The following CRPPA variants were observed in gnomAD, a reference collection of about 807,000 sequenced individuals.
The protein encoded by CRPPA is D-ribitol-5-phosphate cytidylyltransferase.
A neutral mutation model predicts 52.0 loss-of-function variants in CRPPA; 43 were observed. That is an observed-to-expected ratio of 0.83 (90% CI 0.65 to 1.07). The LOEUF (loss-of-function observed/expected upper bound fraction) is 1.07. Among genes scored for constraint, CRPPA ranks in the 50% least tolerant of loss-of-function variants. The probability of loss-of-function intolerance (pLI) is 0.00; values close to 1 mark genes in which losing one functional copy is unlikely to be tolerated. For missense variants in CRPPA, 629 were observed against 551.7 expected (o/e 1.14, Z -1.40); for synonymous variants, 250 against 203.5 (o/e 1.23, Z -1.94).
chr7:16,409,276 C>A (rs1296480734), intron 1 of CRPPA, among the ~76,000 whole-genome samples: 4 of 152,188 alleles, frequency 2.6e-5, no homozygotes, highest in Non-Finnish European at 5.9e-5. Context: ...GTTTTGCCAA[C>A]ACCTTGACAC....
At chr7:16,240,065 A>G (rs542087061) in intron 8 of CRPPA, among the ~76,000 whole-genome samples, 45 of 152,060 alleles carry the variant, frequency 3.0e-4, no homozygotes, top group African/African-American at 1.1e-3. Context: ...TCTATATCCC[A>G]TAACACAAAC....
At chr7:16,386,913 G>C (rs931813164) in intron 2 of CRPPA, among the ~76,000 whole-genome samples, 3 of 151,698 alleles carry the variant, frequency 2.0e-5, no homozygotes, top group Non-Finnish European at 2.9e-5. Flanking sequence ...CCAGCTACTT[G>C]GAAGGGTGAG....
At chr7:16,324,272 A>C (rs572872558) in intron 3 of CRPPA, among the ~76,000 whole-genome samples, 1 of 152,334 alleles carries the variant, frequency 6.6e-6, no homozygotes, top group South Asian at 2.1e-4. Context: ...TATTACAGAC[A>C]GCTGCAGACT....
chr7:16,305,597 G>T (rs1784890293), intron 4 of CRPPA, among the ~76,000 whole-genome samples: 1 of 152,192 alleles, frequency 6.6e-6, no homozygotes, highest in Non-Finnish European at 1.5e-5. Flanking sequence ...CGTGGTGGTG[G>T]TGGGTCACGC....
intron 9 of CRPPA, among the ~76,000 whole-genome samples, chr7:16,139,887 CA>C (rs1415054098): frequency 2.0e-5 from 3 of 151,574 alleles, no homozygotes; most frequent in Non-Finnish European, 2.9e-5. Flanking sequence ...ATCACTTTTC[CA>C]GAGCAGATAA....
At chr7:16,396,258 T>A (rs562284064) in intron 2 of CRPPA, among the ~76,000 whole-genome samples, 2 of 152,300 alleles carry the variant, frequency 1.3e-5, no homozygotes, top group Admixed American at 1.3e-4. Context: ...AATGGACAAG[T>A]ACAAGTGATT....
intron 5 of CRPPA, among the ~76,000 whole-genome samples, chr7:16,298,240 A>C (rs1784714891): frequency 6.6e-6 from 1 of 152,208 alleles, no homozygotes; most frequent in African/African-American, 2.4e-5. Flanking sequence ...GATGTACTGC[A>C]GTAGCTTCTA....
intron 9 of CRPPA, among the ~76,000 whole-genome samples, chr7:16,141,590 G>A (rs569187632): frequency 2.0e-4 from 30 of 152,094 alleles, no homozygotes; most frequent in African/African-American, 6.5e-4. Flanking sequence ...TCTATCATTC[G>A]CTGTAATTCT....
At position 16,306,440 on chromosome 7, in the gene CRPPA, A is replaced by C. The variant is rs74381802; in HGVS notation, c.789+2083T>G. 6.4e-3 allele frequency among the ~76,000 whole-genome samples: 968 copies of C among 152,314 alleles called. 11 individuals are homozygous for C. Among genetic ancestry groups the C allele is most frequent in the African/African-American group, 0.022 (925 of 41,566 alleles). On this transcript the variant is annotated intron_variant, in intron 4 of 9. Coordinates refer to ENST00000407010, the MANE Select transcript of CRPPA (RefSeq NM_001101426.4). Reference sequence around the variant, plus strand: ...CTCTTGCTGGAGAGAACAGAGAAATATAAACACCTCACCAAAAAGGAAACA... The same window carrying C: ...CTCTTGCTGGAGAGAACAGAGAAATCTAAACACCTCACCAAAAAGGAAACA...
At chr7:16,164,620 CT>C (rs57164929) in intron 9 of CRPPA, among the ~76,000 whole-genome samples, 3,365 of 152,270 alleles carry the variant, frequency 0.022, 135 homozygotes, top group African/African-American at 0.076. Flanking sequence ...CCTTTTTGCA[CT>C]GGTTTTTCCT....
In CRPPA at chr7:16,281,934, C is replaced by T. The variant is rs188213863; in HGVS notation, c.836-3708G>A. On this transcript the variant is annotated intron_variant, in intron 5 of 9. Transcript: ENST00000407010. Reference sequence around the variant, plus strand: ...GATTCTTTTTCATTTCTGATACTGACTGAGCATTCAATATTTTTCATAATC... The same window carrying T: ...GATTCTTTTTCATTTCTGATACTGATTGAGCATTCAATATTTTTCATAATC... Among the ~76,000 whole-genome samples, 215 of 152,196 alleles carry T rather than the reference C, an allele frequency of 1.4e-3. 1 individual carries two copies. The highest frequency in any genetic ancestry group is 5.0e-3 in the African/African-American group (206 of 41,538).
intron 9 of CRPPA, among the ~76,000 whole-genome samples, chr7:16,208,157 A>G (rs2128395263): frequency 6.6e-6 from 1 of 152,302 alleles, no homozygotes; most frequent in Non-Finnish European, 1.5e-5. Context: ...CACCCCCATT[A>G]ATATGATGCT....
At chr7:16,388,788 A>G (rs1787362815) in intron 2 of CRPPA, among the ~76,000 whole-genome samples, 2 of 152,208 alleles carry the variant, frequency 1.3e-5, no homozygotes, top group Non-Finnish European at 2.9e-5. Context: ...AGGCAGGGGA[A>G]TCACTTGAAC....
chr7:16,273,570 C>T (rs1003172295), intron 6 of CRPPA, among the ~76,000 whole-genome samples: 1 of 152,024 alleles, frequency 6.6e-6, no homozygotes, highest in Non-Finnish European at 1.5e-5. Context: ...CCGCATCCCA[C>T]TGAAAGCCAC....
intron 3 of CRPPA, among the ~76,000 whole-genome samples, chr7:16,349,263 T>C (rs1230075440): frequency 6.6e-6 from 1 of 152,132 alleles, no homozygotes; most frequent in African/African-American, 2.4e-5. Context: ...GACAGCAGTC[T>C]GCATAAACAT....
intron 8 of CRPPA, among the ~76,000 whole-genome samples, chr7:16,227,639 G>A (rs888704578): frequency 5.9e-5 from 9 of 151,458 alleles, no homozygotes; most frequent in Non-Finnish European, 7.4e-5. Flanking sequence ...GAGATGTATC[G>A]TTTGCATATG....
intron 2 of CRPPA, among the ~76,000 whole-genome samples, chr7:16,401,872 T>A (rs1418481242): frequency 1.3e-5 from 2 of 152,038 alleles, no homozygotes; most frequent in South Asian, 2.1e-4. Flanking sequence ...TAAAAAAATA[T>A]ATATATAGGA....
At chr7:16,224,375 C>T (rs1170073943) in intron 8 of CRPPA, among the ~76,000 whole-genome samples, 1 of 152,130 alleles carries the variant, frequency 6.6e-6, no homozygotes, top group Non-Finnish European at 1.5e-5. Context: ...ACATTTAACA[C>T]TTTCGTCTCA....
chr7:16,274,112 C>A (rs1004293700), intron 6 of CRPPA, among the ~76,000 whole-genome samples: 1 of 152,128 alleles, frequency 6.6e-6, no homozygotes, highest in Non-Finnish European at 1.5e-5. Flanking sequence ...TGCAGCGGCG[C>A]GATCTCGGCT....
Sources: allele counts gnomAD v4.1 joint callset (sites outside exome capture counted in the v4.1 genomes callset), GRCh38; gene constraint gnomAD v4.1.1; transcripts MANE v1.5; gene names NCBI Gene and HGNC (gene_info 2026-07-23, HGNC 2026-07-21).